VWA8: variants seen among roughly 807,000 people sequenced by gnomAD.
VWA8 encodes von Willebrand factor A domain containing 8.
VWA8 carries 221 observed loss-of-function variants against 241.5 expected under a neutral mutation model. That is an observed-to-expected ratio of 0.91 (90% CI 0.82 to 1.02). The LOEUF is 1.02. Among genes scored for constraint, VWA8 ranks in the 50% least tolerant of loss-of-function variants. The pLI is 0.00. For synonymous variants in VWA8, 852 were observed against 827.1 expected (o/e 1.03, Z -0.52); for missense variants, 2,322 against 2,328.7 (o/e 1.00, Z 0.06).
At chr13:41,691,078 T>C (rs192623425) in intron 32 of VWA8, among the ~76,000 whole-genome samples, 1 of 152,176 alleles carries the variant, frequency 6.6e-6, no homozygotes, top group Admixed American at 6.5e-5. Flanking sequence ...CCCAAATAAA[T>C]ATGGATCATA....
intron 40 of VWA8, among the ~76,000 whole-genome samples, chr13:41,591,173 T>C (rs2044452154): frequency 6.6e-6 from 1 of 152,240 alleles, no homozygotes; most frequent in Admixed American, 6.5e-5. Flanking sequence ...TTCTACCTTT[T>C]GGTAAAGAGT....
rs143815979 is a variant in VWA8 at position 41,888,079 on chromosome 13, G to GGAAC, written c.652-722_652-719dup. 5.1e-3 allele frequency among the ~76,000 whole-genome samples: 772 copies of GGAAC among 152,232 alleles called. 11 individuals are homozygous for GGAAC. Among genetic ancestry groups the GGAAC allele is most frequent in the African/African-American group, 0.018 (736 of 41,530 alleles). ...AGCGTATGCATGGTATTATACCTTT[G>GGAAC]GAACCTTAGCCTTCTTAGTAGGAAA... On this transcript the variant is annotated intron_variant, in intron 5 of 44. Transcript: ENST00000379310.
At chr13:41,756,769 ATTAAAT>A (rs767832497) in intron 21 of VWA8, among the ~76,000 whole-genome samples, 35 of 151,720 alleles carry the variant, frequency 2.3e-4, no homozygotes, top group Non-Finnish European at 3.7e-4. Flanking sequence ...ATTTTAAAAT[ATTAAAT>A]TTAAATTCAT....
chr13:41,755,206 G>A (rs907219083), intron 21 of VWA8, among the ~76,000 whole-genome samples: 3 of 151,962 alleles, frequency 2.0e-5, no homozygotes, highest in African/African-American at 7.2e-5. Context: ...CATAGTGGTT[G>A]TACTAATTTA....
intron 1 of VWA8, among the ~76,000 whole-genome samples, chr13:41,956,609 C>T (rs186551259): frequency 2.4e-3 from 366 of 152,286 alleles, no homozygotes; most frequent in African/African-American, 8.3e-3. Flanking sequence ...TAGTTCTTTC[C>T]TCTTTACACT....
chr13:41,728,162 T>A (rs9562343), intron 23 of VWA8, among the ~76,000 whole-genome samples: 42,047 of 151,612 alleles, frequency 0.28, 6,242 homozygotes, highest in Non-Finnish European at 0.33. Flanking sequence ...CATTTTTTTA[T>A]GATACCAAAA....
chr13:41,805,241 C>G (rs1269440394), intron 17 of VWA8, among the ~76,000 whole-genome samples: 4 of 151,880 alleles, frequency 2.6e-5, no homozygotes, highest in Non-Finnish European at 5.9e-5. Flanking sequence ...ATGAAACAAA[C>G]AAACAAAAGA....
At chr13:41,850,320 G>C (rs528770656) in intron 12 of VWA8, among the ~76,000 whole-genome samples, 91 of 152,282 alleles carry the variant, frequency 6.0e-4, no homozygotes, top group African/African-American at 2.0e-3. Context: ...AAGGAGCCAA[G>C]TACATACTAT....
intron 20 of VWA8, among the ~76,000 whole-genome samples, chr13:41,769,090 A>G (rs549000761): frequency 3.7e-4 from 57 of 152,222 alleles, no homozygotes; most frequent in African/African-American, 1.3e-3. Context: ...TATTTTCCGT[A>G]GAGACAGTAT....
chr13:41,628,610 A>G (rs1423224854), intron 37 of VWA8, among the ~76,000 whole-genome samples: 1 of 152,210 alleles, frequency 6.6e-6, no homozygotes, highest in Admixed American at 6.5e-5. Flanking sequence ...TAAAAAAAAT[A>G]AAATCATGTT....
chr13:41,850,760 G>T (rs1448337603), intron 12 of VWA8, among the ~76,000 whole-genome samples: 1 of 152,172 alleles, frequency 6.6e-6, no homozygotes, highest in Non-Finnish European at 1.5e-5. Context: ...TTCTTCAAAT[G>T]CACAGACACC....
rs1297315088 is a variant in VWA8, at chr13:41,567,557, G to A, written c.*640C>T. The A allele has an allele frequency of 6.6e-6, 1 of 152,172 alleles. No individual in the cohort carries two copies. Among genetic ancestry groups the A allele is most frequent in the Non-Finnish European group, 1.5e-5 (1 of 68,036 alleles). 9.4% of individuals were successfully genotyped at this position (152,172 alleles called of 1,614,324 possible). On this transcript the variant is annotated 3_prime_UTR_variant, in exon 45 of 45. Coordinates refer to ENST00000379310, the MANE Select transcript of VWA8 (RefSeq NM_015058.2). ...TTTAAGAGCCTTTTAAAAGTCACGT[G>A]GAAAGGCAAGCACTCCAAGGATTTT... is the stretch of plus-strand genomic sequence containing the variant.
Position 41,568,281 on chromosome 13 carries a change from A to C in VWA8, c.5634T>G (p.Gly1878=), listed in dbSNP as rs1271447777. Reference sequence around the variant, plus strand: ...TGGTATCCATGGCAACGAAAGACCGACCAGCTGGTAAAGTTCTCTGAAGCC... The same window carrying C: ...TGGTATCCATGGCAACGAAAGACCGCCCAGCTGGTAAAGTTCTCTGAAGCC... ...ATRLQRTLPA[G]RSFVAMDTKD... is the part of the protein sequence containing the mutation. Residue 1878 remains glycine, a synonymous_variant, in exon 45 of 45, where the codon GGT becomes GGG. Transcript: ENST00000379310. 8.1e-6 allele frequency: 13 copies of C among 1,614,156 alleles called. No individual in the cohort carries two copies. The highest frequency in any genetic ancestry group is 1.3e-5 in the African/African-American group (1 of 75,046).
chr13:41,679,204 T>C (rs974502333), intron 35 of VWA8, among the ~76,000 whole-genome samples: 3 of 152,192 alleles, frequency 2.0e-5, no homozygotes, highest in African/African-American at 7.2e-5. Context: ...AGGGAAGTCA[T>C]TGCAGCAGTG....
intron 17 of VWA8, among the ~76,000 whole-genome samples, chr13:41,791,314 T>C (rs995715774): frequency 6.6e-6 from 1 of 151,868 alleles, no homozygotes; most frequent in African/African-American, 2.4e-5. Context: ...GATTACAAAA[T>C]AAGAATTTTT....
rs9562359 is a variant in VWA8 at position 41,856,813 on chromosome 13, G to A, written c.1425+8923C>T. ...CACTCCAGCCTGGGTGACATAGCCA[G>A]GCCTTGTCTCAAAAAAATGAAAATT... On this transcript the variant is annotated intron_variant, in intron 12 of 44. Coordinates refer to ENST00000379310, the MANE Select transcript of VWA8 (RefSeq NM_015058.2). 1.6e-3 allele frequency among the ~76,000 whole-genome samples: 239 copies of A among 150,256 alleles called. 5 individuals carry two copies. In the East Asian group the frequency reaches 0.043, roughly 27 times the overall value.
chr13:41,912,904 A>T (rs1022146285), intron 2 of VWA8, among the ~76,000 whole-genome samples: 7 of 152,188 alleles, frequency 4.6e-5, no homozygotes, highest in African/African-American at 1.7e-4. Flanking sequence ...GGTTTTGCTC[A>T]TATGTAAATC....
intron 21 of VWA8, among the ~76,000 whole-genome samples, chr13:41,737,405 A>C (rs1380076029): frequency 1.3e-5 from 2 of 152,242 alleles, no homozygotes; most frequent in Non-Finnish European, 2.9e-5. Context: ...TTTAAGAATC[A>C]CTTGATGTTT....
At chr13:41,834,558 G>A (rs1416928825) in intron 12 of VWA8, among the ~76,000 whole-genome samples, 2 of 152,038 alleles carry the variant, frequency 1.3e-5, no homozygotes, top group African/African-American at 4.8e-5. Context: ...TGACTAAATG[G>A]CTATTACTAA....
Sources: allele counts gnomAD v4.1 joint callset (sites outside exome capture counted in the v4.1 genomes callset), GRCh38; gene constraint gnomAD v4.1.1; transcripts MANE v1.5; gene names NCBI Gene and HGNC (gene_info 2026-07-23, HGNC 2026-07-21).